The following DAG1 variants were observed in gnomAD, a reference collection of about 807,000 sequenced individuals.
The protein encoded by DAG1 is dystroglycan 1 (dystrophin-associated glycoprotein 1).
A neutral mutation model predicts 46.1 loss-of-function variants in DAG1; 8 were observed. The ratio of observed to expected loss-of-function variants is 0.17; its 90% CI spans 0.10 to 0.31. The LOEUF (loss-of-function observed/expected upper bound fraction) is 0.31. DAG1 is among the 10% of genes least tolerant of loss of function. The probability of loss-of-function intolerance (pLI) is 1.00; values close to 1 mark genes in which losing one functional copy is unlikely to be tolerated. For synonymous variants in DAG1, 495 were observed against 481.8 expected, an observed-to-expected ratio of 1.03 and a Z score of -0.36; for missense variants, 1,003 against 1,189.9, an observed-to-expected ratio of 0.84 and a Z score of 2.31.
chr3:49,507,511 C>A (rs533442228), intron 1 of DAG1, among the ~76,000 whole-genome samples: 26 of 151,890 alleles, frequency 1.7e-4, no homozygotes, highest in African/African-American at 6.3e-4. Context: ...TACAGTGAGC[C>A]GAGATTGTGC....
rs775365808 is a variant in DAG1 at position 49,533,047 on chromosome 3, A to C, written c.2536A>C (p.Thr846Pro). The C allele has an allele frequency of 2.8e-5, 45 of 1,613,930 alleles. 1 individual carries two copies. The highest frequency in any genetic ancestry group is 3.4e-5 in the Non-Finnish European group (40 of 1,180,008). Residue 846 changes from threonine (T) to proline (P), a missense_variant, in exon 3 of 3, where the codon ACC becomes CCC. Thr to Pro is a conservative substitution (Grantham distance 38). Transcript: ENST00000308775. Reference sequence around the variant, plus strand: ...CGAGACCACTCCTCTGAACCAGGACACCATGGGAGAGTACACGCCCCTGCG... The same window carrying C: ...CGAGACCACTCCTCTGAACCAGGACCCCATGGGAGAGTACACGCCCCTGCG... Reference protein sequence around the residue: ...VPETTPLNQDTMGEYTPLRDE... With the variant: ...VPETTPLNQDPMGEYTPLRDE...
intron 1 of DAG1, among the ~76,000 whole-genome samples, chr3:49,506,796 A>G (rs56324858): frequency 0.15 from 22,506 of 151,988 alleles, 2,244 homozygotes; most frequent in Non-Finnish European, 0.23. Context: ...TGATTTTGAT[A>G]TCAGGATAAT....
intron 2 of DAG1, among the ~76,000 whole-genome samples, chr3:49,517,068 A>G (rs1445310891): frequency 7.1e-6 from 1 of 141,712 alleles, no homozygotes; most frequent in Non-Finnish European, 1.5e-5. Flanking sequence ...ATCTCGGCTC[A>G]CTGCAACCTC....
chr3:49,480,316 C>G (rs1230085518), intron 1 of DAG1, among the ~76,000 whole-genome samples: 1 of 143,878 alleles, frequency 7.0e-6, no homozygotes, highest in Non-Finnish European at 1.5e-5. Flanking sequence ...CGCTCTATCG[C>G]CCAGGCTGGA....
At chr3:49,507,558 T>C (rs1304790483) in intron 1 of DAG1, among the ~76,000 whole-genome samples, 1 of 152,176 alleles carries the variant, frequency 6.6e-6, no homozygotes, top group Non-Finnish European at 1.5e-5. Context: ...CAAGGCTCCA[T>C]CTCAAATAAA....
rs542424006 is a variant in DAG1, at chr3:49,520,739, G to A, written c.285+9920G>A. 4.6e-5 allele frequency among the ~76,000 whole-genome samples: 7 copies of A among 152,320 alleles called. No individual in the cohort carries two copies. In the East Asian group the frequency reaches 9.7e-4, roughly 21 times the overall value. ...CCCTCCAAAAGATTTGTAGTGAGAA[G>A]GAATGCTCACCAAATCAGTTTCTCG... On this transcript the variant is annotated intron_variant, in intron 2 of 2. Coordinates refer to ENST00000308775, the MANE Select transcript of DAG1 (RefSeq NM_004393.6).
intron 1 of DAG1, among the ~76,000 whole-genome samples, chr3:49,480,529 G>A (rs1000499084): frequency 6.7e-6 from 1 of 150,264 alleles, no homozygotes; most frequent in Non-Finnish European, 1.5e-5. Flanking sequence ...TCCTGACCTC[G>A]TGATCCGCCC....
intron 2 of DAG1, among the ~76,000 whole-genome samples, chr3:49,516,095 G>T (rs2050889156): frequency 6.6e-6 from 1 of 152,164 alleles, no homozygotes. Context: ...CATGGGTACA[G>T]CCATATCTTT....
At chr3:49,528,986 G>A (rs941565425) in intron 2 of DAG1, among the ~76,000 whole-genome samples, 17 of 152,116 alleles carry the variant, frequency 1.1e-4, no homozygotes, top group African/African-American at 4.1e-4. Context: ...GAGTAGCTGG[G>A]ACTACAGGTG....
chr3:49,503,457 T>G (rs2050512146), intron 1 of DAG1, among the ~76,000 whole-genome samples: 1 of 152,224 alleles, frequency 6.6e-6, no homozygotes, highest in Non-Finnish European at 1.5e-5. Flanking sequence ...AAGGATTCAT[T>G]ACCTATCACA....
chr3:49,514,396 A>T (rs959419576), intron 2 of DAG1, among the ~76,000 whole-genome samples: 8 of 152,234 alleles, frequency 5.3e-5, no homozygotes. Context: ...TATGCTCATC[A>T]AGAGATGGTC....
chr3:49,531,877 C>T lies in DAG1; in HGVS notation c.1366C>T (p.Pro456Ser). Reference protein sequence around the residue: ...TRRPTKKPRTPRPVPRVTTKV... With the variant: ...TRRPTKKPRTSRPVPRVTTKV... The stretch of plus-strand genomic sequence containing the variant: ...CAGGCCAACCAAGAAACCACGGACA[C>T]CCCGGCCAGTGCCCCGGGTCACCAC... Residue 456 changes from proline to serine, a missense_variant, in exon 3 of 3, where the codon CCC (proline) becomes TCC (serine). Around this residue, in one of 3 missense-constraint regions of DAG1, gnomAD observed 755 missense variants for 854.1 expected, o/e 0.88. Transcript: ENST00000308775. This position sits in a 1 kb window ranked among gnomAD's most constrained non-coding sequence, Gnocchi z 7.0. The T allele has an allele frequency of 6.2e-7, 1 of 1,614,122 alleles. No individual in the cohort carries two copies. Among genetic ancestry groups the T allele is most frequent in the Non-Finnish European group, 8.5e-7 (1 of 1,180,030 alleles).
Position 49,532,538 on chromosome 3 carries a change from G to A in DAG1, c.2027G>A (p.Gly676Glu). Residue 676 changes from glycine to glutamate, a missense_variant, in exon 3 of 3, where the codon GGG becomes GAG. Gly to Glu is a moderately conservative substitution (Grantham distance 98). Coordinates refer to ENST00000308775, the MANE Select transcript of DAG1 (RefSeq NM_004393.6). This position sits in a 1 kb window ranked among gnomAD's most constrained non-coding sequence, Gnocchi z 5.4. Reference sequence around the variant, plus strand: ...CCCTGCCCCAAGGAGCAGATCGCTGGGCTGAGCCGCCGGATCGCTGAGGAT... The same window carrying A: ...CCCTGCCCCAAGGAGCAGATCGCTGAGCTGAGCCGCCGGATCGCTGAGGAT... ...LEPCPKEQIA[G>E]LSRRIAEDDG... 6.2e-7 allele frequency: 1 copy of A among 1,613,774 alleles called. No individual in the cohort carries two copies. The highest frequency in any genetic ancestry group is 2.2e-5 in the East Asian group (1 of 44,876).
In DAG1 at chr3:49,531,960, C is replaced by G; in HGVS notation, c.1449C>G (p.Thr483=). 1 of 1,614,236 alleles carries G rather than the reference C, an allele frequency of 6.2e-7. No individual in the cohort carries two copies. The highest frequency in any genetic ancestry group is 8.5e-7 in the Non-Finnish European group (1 of 1,180,048). ...TASPPTRIRT[T]TSGVPRGGEP... ...CACCGCCTACTCGTATTCGCACCAC[C>G]ACCAGTGGAGTGCCCCGTGGCGGAG... The change falls in exon 3 of 3, where the codon ACC becomes ACG. Residue 483 remains threonine (T), a synonymous_variant. Coordinates refer to ENST00000308775, the MANE Select transcript of DAG1 (RefSeq NM_004393.6). The surrounding 1 kb of genome is among the most constrained non-coding windows in gnomAD (Gnocchi z 7.0).
At chr3:49,526,574 G>A (rs1256097557) in intron 2 of DAG1, among the ~76,000 whole-genome samples, 2 of 152,046 alleles carry the variant, frequency 1.3e-5, no homozygotes, top group African/African-American at 4.8e-5. Context: ...AAAATTAGCC[G>A]GGCATAGTGG....
intron 1 of DAG1, among the ~76,000 whole-genome samples, chr3:49,472,304 A>G (rs1439214087): frequency 1.3e-5 from 2 of 152,226 alleles, no homozygotes; most frequent in Admixed American, 6.5e-5. Context: ...ATGTCCTGCC[A>G]TGATGGGGGA....
chr3:49,492,305 A>G (rs1021903122), intron 1 of DAG1, among the ~76,000 whole-genome samples: 2 of 152,240 alleles, frequency 1.3e-5, no homozygotes. Flanking sequence ...CATAAAATAA[A>G]TGTTTTATTT....
chr3:49,509,260 C>T (rs1433385180), intron 1 of DAG1, among the ~76,000 whole-genome samples: 1 of 152,162 alleles, frequency 6.6e-6, no homozygotes, highest in Non-Finnish European at 1.5e-5. Context: ...TAGTGGGACA[C>T]TGTCTGTACA....
In DAG1 at chr3:49,532,926, C is replaced by T. The variant is rs749427996; in HGVS notation, c.2415C>T (p.Asp805=). 33 of 1,613,954 alleles carry T rather than the reference C, an allele frequency of 2.0e-5. No individual in the cohort carries two copies. Among genetic ancestry groups the T allele is most frequent in the East Asian group, 4.5e-5 (2 of 44,880 alleles). Residue 805 remains aspartate, a synonymous_variant, in exon 3 of 3, where the codon GAC becomes GAT. Transcript: ENST00000308775. This position sits in a 1 kb window ranked among gnomAD's most constrained non-coding sequence, Gnocchi z 5.4. ...GVPIIFADEL[D]DSKPPPSSSM... is the part of the protein sequence containing the mutation. ...CTATCATCTTTGCAGACGAACTGGA[C>T]GACTCCAAGCCCCCACCCTCCTCCA...
Sources: gnomAD v4.1 joint callset for allele counts (sites outside exome capture counted in the v4.1 genomes callset) on GRCh38, gnomAD v4.1.1 for gene constraint, gnomAD v4.1.1 regional missense constraint, Gnocchi (gnomAD v3.1) non-coding constraint, MANE v1.5 for transcripts, NCBI Gene and HGNC (gene_info 2026-07-23, HGNC 2026-07-21) for gene names.